KDM1A: variants seen among roughly 807,000 people sequenced by gnomAD.
The protein encoded by KDM1A is lysine demethylase 1A.
Under a neutral mutation model 109.4 loss-of-function variants are expected in KDM1A, and 49 were observed. That is an observed-to-expected ratio of 0.45 (90% confidence interval 0.36 to 0.57). The LOEUF is 0.57. KDM1A is among the 20% of genes least tolerant of loss of function. The pLI, the probability that KDM1A is intolerant of heterozygous loss-of-function variation, is 0.00. For synonymous variants in KDM1A, 380 were observed against 415.4 expected, an observed-to-expected ratio of 0.91 and a Z score of 1.04; for missense variants, 668 against 1,116.6, an observed-to-expected ratio of 0.60 and a Z score of 5.73.
At chr1:23,073,092 T>C (rs1643366029) in intron 14 of KDM1A, among the ~76,000 whole-genome samples, 200 bp from the exon 15 acceptor site, 1 of 152,172 alleles carries the variant, frequency 6.6e-6, no homozygotes, top group Non-Finnish European at 1.5e-5. Flanking sequence ...TTGCTTTACG[T>C]AGTGAGCTTG....
chr1:23,057,066 A>G (rs1642852655), intron 7 of KDM1A, among the ~76,000 whole-genome samples: 1 of 152,120 alleles, frequency 6.6e-6, no homozygotes, highest in African/African-American at 2.4e-5. Flanking sequence ...TCAGGGTGTA[A>G]GAGTCAGATT....
At chr1:23,059,668 A>G (rs947818588) in intron 9 of KDM1A, among the ~76,000 whole-genome samples, 6 of 152,218 alleles carry the variant, frequency 3.9e-5, no homozygotes, top group African/African-American at 1.4e-4. Flanking sequence ...GGAGCTTCCT[A>G]TACTTAGTAT....
At chr1:23,032,225 G>A (rs1276013199) in intron 2 of KDM1A, among the ~76,000 whole-genome samples, 2 of 152,102 alleles carry the variant, frequency 1.3e-5, no homozygotes, top group Non-Finnish European at 2.9e-5. Context: ...TGATATCTCA[G>A]ATGCTGCCTC....
intron 5 of KDM1A, 57 bp downstream of exon 5, chr1:23,053,896 C>G: frequency 2.2e-6 from 2 of 900,442 alleles, no homozygotes; most frequent in South Asian, 2.7e-5. Context: ...TTGATACGTT[C>G]TTCTAGGAGC....
At chr1:23,027,516 C>G (rs1401200983) in intron 1 of KDM1A, among the ~76,000 whole-genome samples, 3 of 147,740 alleles carry the variant, frequency 2.0e-5, no homozygotes, top group Non-Finnish European at 3.0e-5. Context: ...CCCCCGCCCC[C>G]ACCAGGTTCA....
At position 23,079,942 on chromosome 1, in the gene KDM1A, C is replaced by T. The variant is rs1316851902; in HGVS notation, c.2170+275C>T. Among the ~76,000 whole-genome samples, 1 of 152,146 alleles carries T rather than the reference C, an allele frequency of 6.6e-6. No homozygotes were observed. Among genetic ancestry groups the T allele is most frequent in the Admixed American group, 6.5e-5 (1 of 15,274 alleles). ...CCAGGTTACTGGAGGTCCACTCAGCCTGGAGGGATAGGCCCAGGGAGGCTT... is the reference window on the plus strand; with the variant it reads ...CCAGGTTACTGGAGGTCCACTCAGCTTGGAGGGATAGGCCCAGGGAGGCTT... On this transcript the variant is annotated intron_variant, in intron 18 of 20. Transcript: ENST00000400181. This position sits in a 1 kb window ranked among gnomAD's most constrained non-coding sequence, Gnocchi z 5.6.
chr1:23,083,621 T>G lies in KDM1A; in HGVS notation c.*257T>G, dbSNP rs1039111497. ...GCAAGTGCTGTGAAATAACATCATCTTAGTCCCTTGGTGTGTGGGGTTTTT... is the reference window on the plus strand; with the variant it reads ...GCAAGTGCTGTGAAATAACATCATCGTAGTCCCTTGGTGTGTGGGGTTTTT... On this transcript the variant is annotated 3_prime_UTR_variant, in exon 21 of 21. Coordinates refer to ENST00000400181, the MANE Select transcript of KDM1A (RefSeq NM_001009999.3). 3.5e-5 allele frequency: 12 copies of G among 346,400 alleles called. No individual in the cohort carries two copies. The highest frequency in any genetic ancestry group is 5.2e-5 in the Non-Finnish European group (10 of 191,520). The allele number at this position is 346,400 out of a possible 1,614,324, so 21.5% of individuals were successfully genotyped here.
rs1033483883 is a variant in KDM1A, at chr1:23,083,424, C to T, written c.*60C>T. ...CTGTTTCTGCCATGTAAGGAAGGCT[C>T]TTCTAGCAATACTAGATCCCACTGA... On this transcript the variant is annotated 3_prime_UTR_variant, in exon 21 of 21. Coordinates refer to ENST00000400181, the MANE Select transcript of KDM1A (RefSeq NM_001009999.3). 1.2e-5 allele frequency: 18 copies of T among 1,513,912 alleles called. No individual in the cohort carries two copies. In the African/African-American group the frequency reaches 2.3e-4, roughly 20 times the overall value. 93.8% of individuals were successfully genotyped at this position (1,513,912 alleles called of 1,614,324 possible). A position where few individuals can be genotyped will look rare whatever the true frequency, so the allele number is the denominator to read the frequency against.
chr1:23,048,841 T>G (rs993128299), intron 3 of KDM1A, among the ~76,000 whole-genome samples: 1 of 152,150 alleles, frequency 6.6e-6, no homozygotes, highest in African/African-American at 2.4e-5. Context: ...CTTCTTGTTT[T>G]ATGTGCTTTA....
At chr1:23,080,296 T>G (rs553361196) in intron 18 of KDM1A, among the ~76,000 whole-genome samples, 1 of 152,252 alleles carries the variant, frequency 6.6e-6, no homozygotes, top group African/African-American at 2.4e-5. Context: ...GAGGGGGAAC[T>G]TGGCTCCCTG....
intron 1 of KDM1A, among the ~76,000 whole-genome samples, chr1:23,023,828 A>C (rs1641714238): frequency 3.9e-5 from 6 of 152,124 alleles, no homozygotes; most frequent in Admixed American, 3.9e-4. Context: ...TATCTCCTAC[A>C]AGAAAGATTT....
In KDM1A at chr1:23,083,655, T is replaced by TTG. The variant is rs2124562089; in HGVS notation, c.*292_*293insGT. 2 of 243,384 alleles carry TTG rather than the reference T, an allele frequency of 8.2e-6. No homozygotes were observed. The highest frequency in any genetic ancestry group is 1.6e-4 in the East Asian group (2 of 12,606). The allele number at this position is 243,384 out of a possible 1,614,324, so 15.1% of individuals were successfully genotyped here. ...TGGTGTGTGGGGTTTTTGTTTTTTT[T>TTG]TTATATTTTGAGAATAAAACTTCAT... On this transcript the variant is annotated 3_prime_UTR_variant, in exon 21 of 21. Transcript: ENST00000400181.
chr1:23,072,371 G>A (rs1275028590), intron 14 of KDM1A, among the ~76,000 whole-genome samples, 174 bp downstream of exon 14: 1 of 152,176 alleles, frequency 6.6e-6, no homozygotes, highest in Non-Finnish European at 1.5e-5. Flanking sequence ...CCCTGCTCCT[G>A]TATTTTAATG....
chr1:23,071,515 G>A (rs1030410267), intron 13 of KDM1A, among the ~76,000 whole-genome samples, 156 bp downstream of exon 13: 1 of 152,154 alleles, frequency 6.6e-6, no homozygotes, highest in South Asian at 2.1e-4. Flanking sequence ...GGATTTAATG[G>A]GTTAGTTCGG....
intron 3 of KDM1A, among the ~76,000 whole-genome samples, chr1:23,045,030 A>G (rs1642463221): frequency 6.6e-6 from 1 of 152,200 alleles, no homozygotes; most frequent in Non-Finnish European, 1.5e-5. Flanking sequence ...CATGTGAAAA[A>G]TGTCTTTTGA....
At chr1:23,031,140 C>A (rs1641969778) in intron 2 of KDM1A, among the ~76,000 whole-genome samples, 1 of 152,024 alleles carries the variant, frequency 6.6e-6, no homozygotes. Flanking sequence ...TATATATAGG[C>A]CAGAAAATCT....
rs759385298 is a variant in KDM1A at position 23,044,445 on chromosome 1, A to G, written c.536A>G (p.Gln179Arg). The change falls in exon 3 of 21, where the codon CAA (glutamine) becomes CGA (arginine). Residue 179 changes from glutamine to arginine, a missense_variant. Physicochemically the swap from Gln to Arg is conservative, Grantham distance 43. Transcript: ENST00000400181. ...EEPSGQAGGL[Q>R]DDSSGGYGDG... ...TCCACAGGGCAAGCAGGAGGACTTC[A>G]AGACGACAGTTCTGGAGGGTATGGA... 5 of 1,613,224 alleles carry G rather than the reference A, an allele frequency of 3.1e-6. No homozygotes were observed. The African/African-American group carries it at 6.7e-5, about 22-fold the overall frequency.
chr1:23,067,686 A>AT (rs1643197255), intron 10 of KDM1A, among the ~76,000 whole-genome samples: 1 of 152,170 alleles, frequency 6.6e-6, no homozygotes, highest in South Asian at 2.1e-4. Context: ...CCTTAAACAT[A>AT]TTTTTTCTTT....
In KDM1A at chr1:23,051,253, G is replaced by T. The variant is rs193026692; in HGVS notation, c.711+733G>T. On this transcript the variant is annotated intron_variant, in intron 4 of 20. Coordinates refer to ENST00000400181, the MANE Select transcript of KDM1A (RefSeq NM_001009999.3). ...GCATAATATTTTGTCTGACAGTTGG[G>T]TTATAATTTGACTGCTGGACATTTG... Among the ~76,000 whole-genome samples the T allele has an allele frequency of 2.3e-3, 357 of 152,218 alleles. 1 individual carries two copies. The highest frequency in any genetic ancestry group is 4.6e-3 in the Non-Finnish European group (311 of 68,014).
Sources: gnomAD v4.1 joint callset for allele counts (sites outside exome capture counted in the v4.1 genomes callset) on GRCh38, gnomAD v4.1.1 for gene constraint, Gnocchi (gnomAD v3.1) non-coding constraint, MANE v1.5 for transcripts, NCBI Gene and HGNC (gene_info 2026-07-23, HGNC 2026-07-21) for gene names.